The following TBPL1 variants were observed in gnomAD, a reference collection of about 807,000 sequenced individuals.
TBPL1 encodes TATA-box binding protein like 1, also known as TATA box-binding protein-like 1.
A neutral mutation model predicts 22.1 loss-of-function variants in TBPL1; 4 were observed. That is an observed-to-expected ratio of 0.18 (90% CI 0.09 to 0.41). TBPL1 has a LOEUF of 0.41. Ranked by LOEUF, TBPL1 falls within the 10% of genes least tolerant of loss-of-function variation. The probability of loss-of-function intolerance (pLI) is 1.00; values close to 1 mark genes in which losing one functional copy is unlikely to be tolerated. For missense variants in TBPL1, 115 were observed against 222.3 expected (o/e 0.52, Z 3.07); for synonymous variants, 64 against 71.0 (o/e 0.90, Z 0.50).
intron 1 of TBPL1, among the ~76,000 whole-genome samples, chr6:133,973,269 T>A (rs1776256296): frequency 6.6e-6 from 1 of 152,204 alleles, no homozygotes; most frequent in Non-Finnish European, 1.5e-5. Context: ...CAAATCGGTC[T>A]ATTATCAGTC....
Position 133,988,667 on chromosome 6 carries a change from A to G in TBPL1, c.*1627A>G, listed in dbSNP as rs1273652394. On this transcript the variant is annotated 3_prime_UTR_variant, in exon 7 of 7. Coordinates refer to ENST00000237264, the MANE Select transcript of TBPL1 (RefSeq NM_004865.4). ...ATTCCAAAGTGGAAAGCAAAGGCTA[A>G]CTTACATTTTTCCTTCTTGTGAAAT... The G allele has an allele frequency of 6.6e-6, 1 of 152,130 alleles. No homozygotes were observed. The highest frequency in any genetic ancestry group is 6.5e-5 in the Admixed American group (1 of 15,276). The allele number at this position is 152,130 out of a possible 1,614,324, so 9.4% of individuals were successfully genotyped here.
At chr6:133,960,181 G>A (rs1484191221) in intron 1 of TBPL1, among the ~76,000 whole-genome samples, 1 of 152,122 alleles carries the variant, frequency 6.6e-6, no homozygotes, top group Non-Finnish European at 1.5e-5. Context: ...TACAGATTAG[G>A]GTGGTTGCAG....
chr6:133,964,016 G>A (rs902525824), intron 1 of TBPL1, among the ~76,000 whole-genome samples: 9 of 152,116 alleles, frequency 5.9e-5, no homozygotes, highest in Non-Finnish European at 1.0e-4. Flanking sequence ...ACTCCAGCCT[G>A]GGCGACAGAG....
chr6:133,970,930 C>T (rs986366540), intron 1 of TBPL1, among the ~76,000 whole-genome samples: 1 of 152,120 alleles, frequency 6.6e-6, no homozygotes, highest in Non-Finnish European at 1.5e-5. Flanking sequence ...ATGAATTTAT[C>T]ATTTCTTTGT....
In TBPL1 at chr6:133,987,648, G is replaced by GTGTATATATATATATATATATATATA. The variant is rs200249148; in HGVS notation, c.*609_*610insGTATATATATATATATATATATATAT. ...TTTGTGTGTGTGTGTGTGTGTGTGT[G>GTGTATATATATATATATATATATATA]TATATATATATATATATATGCACCA... On this transcript the variant is annotated 3_prime_UTR_variant, in exon 7 of 7. Transcript: ENST00000237264. 2 of 88,316 alleles carry GTGTATATATATATATATATATATATA rather than the reference G, an allele frequency of 2.3e-5. No homozygotes were observed. Among genetic ancestry groups the GTGTATATATATATATATATATATATA allele is most frequent in the African/African-American group, 7.3e-5 (2 of 27,500 alleles). 5.5% of individuals were successfully genotyped at this position (88,316 alleles called of 1,614,324 possible). A position where few individuals can be genotyped will look rare whatever the true frequency, so the allele number is the denominator to read the frequency against.
In TBPL1 at chr6:133,982,663, T is replaced by C. The variant is rs192763826; in HGVS notation, c.218+13T>C. Reference sequence around the variant, plus strand: ...CTGGAGCAACAAGGTAAATGCTACTTGGGTTTTTTGTTTTTATTTTTTACT... The same window carrying C: ...CTGGAGCAACAAGGTAAATGCTACTCGGGTTTTTTGTTTTTATTTTTTACT... On this transcript the variant is annotated intron_variant, in intron 3 of 6. Coordinates refer to ENST00000237264, the MANE Select transcript of TBPL1 (RefSeq NM_004865.4). 4.4e-4 allele frequency: 700 copies of C among 1,604,804 alleles called. 5 individuals carry two copies. The East Asian group carries it at 6.9e-3, about 16-fold the overall frequency.
At chr6:133,986,871 C>G in intron 6 of TBPL1, 90 bp from the exon 7 acceptor site, 1 of 855,192 alleles carries the variant, frequency 1.2e-6, no homozygotes. Context: ...TTCTATACCA[C>G]TTGAATATTT....
intron 1 of TBPL1, among the ~76,000 whole-genome samples, chr6:133,968,668 T>TTTTTG (rs955568335): frequency 2.0e-5 from 3 of 152,016 alleles, no homozygotes; most frequent in African/African-American, 7.2e-5. Context: ...GCATCCAAGT[T>TTTTTG]TTTTGTTTTG....
intron 1 of TBPL1, among the ~76,000 whole-genome samples, chr6:133,954,666 A>G (rs1775896301): frequency 1.3e-5 from 2 of 152,232 alleles, no homozygotes; most frequent in African/African-American, 4.8e-5. Flanking sequence ...AAGATTAAAG[A>G]TGAAAATAAA....
At chr6:133,974,934 T>C (rs1206329295) in intron 1 of TBPL1, among the ~76,000 whole-genome samples, 1 of 152,218 alleles carries the variant, frequency 6.6e-6, no homozygotes, top group African/African-American at 2.4e-5. Context: ...TGAAAACACA[T>C]ATCCAACTTC....
chr6:133,955,341 A>G (rs945321893), intron 1 of TBPL1, among the ~76,000 whole-genome samples: 2 of 148,226 alleles, frequency 1.3e-5, no homozygotes, highest in Admixed American at 1.4e-4. Context: ...CCGCCCCAAT[A>G]CTCCCAACTT....
intron 1 of TBPL1, among the ~76,000 whole-genome samples, chr6:133,964,893 A>G (rs376376155): frequency 6.6e-6 from 1 of 152,192 alleles, no homozygotes; most frequent in African/African-American, 2.4e-5. Flanking sequence ...AAACAGTCGA[A>G]ACTATGAAAA....
intron 1 of TBPL1, among the ~76,000 whole-genome samples, chr6:133,969,477 A>T (rs1478647843): frequency 6.6e-6 from 1 of 152,182 alleles, no homozygotes. Context: ...TGTAATGAAG[A>T]TAGTTTAACT....
intron 1 of TBPL1, among the ~76,000 whole-genome samples, chr6:133,971,026 A>C (rs1291019646): frequency 6.6e-6 from 1 of 152,158 alleles, no homozygotes; most frequent in Non-Finnish European, 1.5e-5. Flanking sequence ...GCAACAGAAC[A>C]CCATAACTTA....
chr6:133,968,792 C>T (rs1776167627), intron 1 of TBPL1: 1 of 152,266 alleles, frequency 6.6e-6, no homozygotes, highest in Admixed American at 6.5e-5. Context: ...GCCTCAGCCT[C>T]CGCAGTAGCT....
intron 1 of TBPL1, among the ~76,000 whole-genome samples, chr6:133,955,160 A>G (rs1255796281): frequency 6.6e-6 from 1 of 151,162 alleles, no homozygotes; most frequent in African/African-American, 2.4e-5. Flanking sequence ...TCCTGGGGTT[A>G]TCTTTGTGCA....
At chr6:133,980,798 A>T (rs535310442) in intron 2 of TBPL1, among the ~76,000 whole-genome samples, 1 of 151,826 alleles carries the variant, frequency 6.6e-6, no homozygotes, top group East Asian at 1.9e-4. Flanking sequence ...GTGTTTTGAG[A>T]TTAACATTAT....
intron 1 of TBPL1, among the ~76,000 whole-genome samples, chr6:133,959,189 G>A (rs146209482): frequency 1.3e-5 from 2 of 152,072 alleles, no homozygotes; most frequent in Non-Finnish European, 2.9e-5. Context: ...ACAGGCATGC[G>A]CCACCACGCC....
chr6:133,960,198 C>T (rs1197044853), intron 1 of TBPL1, among the ~76,000 whole-genome samples: 1 of 152,188 alleles, frequency 6.6e-6, no homozygotes, highest in Non-Finnish European at 1.5e-5. Context: ...GCAGGGATCA[C>T]AGACAACCAT....
Sources: allele counts gnomAD v4.1 joint callset (sites outside exome capture counted in the v4.1 genomes callset), GRCh38; gene constraint gnomAD v4.1.1; transcripts MANE v1.5; gene names NCBI Gene and HGNC (gene_info 2026-07-23, HGNC 2026-07-21).